Variants in CCDC171 observed in about 807,000 individuals in gnomAD.
CCDC171 encodes coiled-coil domain-containing protein 171.
A neutral mutation model predicts 168.2 loss-of-function variants in CCDC171; 177 were observed. The observed-to-expected ratio is 1.05, with a 90% CI of 0.93 to 1.19. CCDC171 has a LOEUF of 1.19. CCDC171 is among the 50% of genes most tolerant of loss of function. CCDC171 has a pLI of 0.00. For synonymous variants in CCDC171, 687 were observed against 540.8 expected (o/e 1.27, Z -3.75); for missense variants, 1,991 against 1,539.0 (o/e 1.29, Z -4.91).
At chr9:15,836,759 A>G (rs1247272245) in intron 21 of CCDC171, among the ~76,000 whole-genome samples, 1 of 152,210 alleles carries the variant, frequency 6.6e-6, no homozygotes, top group Non-Finnish European at 1.5e-5. Flanking sequence ...TAACTTGACC[A>G]TTCCTGATTT....
At chr9:15,804,671 T>G (rs1002588672) in intron 21 of CCDC171, among the ~76,000 whole-genome samples, 3 of 152,134 alleles carry the variant, frequency 2.0e-5, no homozygotes. Context: ...TTGATGTTCA[T>G]TAAGAATATT....
chr9:16,102,726 C>A, the CCDC171 span, among the ~76,000 whole-genome samples: 1 of 152,292 alleles, frequency 6.6e-6, no homozygotes, highest in South Asian at 2.1e-4. Context: ...CACTTTCCAA[C>A]AGCTCTTCGT....
intron 4 of CCDC171, chr9:15,588,700 CTT>C (rs71323963): frequency 3.4e-4 from 42 of 124,144 alleles, no homozygotes; most frequent in South Asian, 9.7e-4. Context: ...AAGATGCAGA[CTT>C]TTTTTTTTTT....
intron 3 of CCDC171, among the ~76,000 whole-genome samples, chr9:16,009,740 G>A (rs1314713904): frequency 6.6e-6 from 1 of 152,188 alleles, no homozygotes; most frequent in Non-Finnish European, 1.5e-5. Flanking sequence ...TTAAAATCTA[G>A]ATAAACTTCT....
At chr9:15,848,371 CTT>C (rs2060988527) in intron 22 of CCDC171, among the ~76,000 whole-genome samples, 2 of 151,784 alleles carry the variant, frequency 1.3e-5, no homozygotes, top group African/African-American at 4.8e-5. Context: ...AAACTAGTAA[CTT>C]TGCATATTCC....
In CCDC171 at chr9:15,622,022, A is replaced by G. The variant is rs141833002; in HGVS notation, c.676-1245A>G. ...GGAGGCCATTATCTTTAGCAAACTA[A>G]CACAGGAACAGAAAACCAAATACCA... On this transcript the variant is annotated intron_variant, in intron 6 of 25. Transcript: ENST00000380701. Among the ~76,000 whole-genome samples, 214 of 152,320 alleles carry G rather than the reference A, an allele frequency of 1.4e-3. 1 individual carries two copies. The highest frequency in any genetic ancestry group is 4.4e-3 in the African/African-American group (183 of 41,566).
chr9:15,778,514 C>T (rs547152338), intron 19 of CCDC171, among the ~76,000 whole-genome samples: 3 of 151,114 alleles, frequency 2.0e-5, no homozygotes, highest in South Asian at 4.2e-4. Context: ...TGGTGGGTGC[C>T]TCATGCCTCT....
intron 24 of CCDC171, chr9:15,875,542 A>G (rs1443491143): frequency 6.6e-6 from 1 of 151,982 alleles, no homozygotes; most frequent in Non-Finnish European, 1.5e-5. Flanking sequence ...TCCTTGTTCA[A>G]TAGCACTCTA....
At chr9:15,967,114 G>C (rs1182252823) in intron 25 of CCDC171, among the ~76,000 whole-genome samples, 4 of 152,128 alleles carry the variant, frequency 2.6e-5, no homozygotes, top group Non-Finnish European at 5.9e-5. Context: ...CTGGAAAATT[G>C]ACAGGTAGAA....
chr9:16,101,949 A>T, the CCDC171 span, among the ~76,000 whole-genome samples: 1 of 152,254 alleles, frequency 6.6e-6, no homozygotes, highest in African/African-American at 2.4e-5. Flanking sequence ...AGAACATGCC[A>T]GACTCCTGAA....
intron 21 of CCDC171, among the ~76,000 whole-genome samples, chr9:15,791,693 C>T (rs2058272474): frequency 6.6e-6 from 1 of 152,156 alleles, no homozygotes; most frequent in African/African-American, 2.4e-5. Context: ...GGGAACTCTG[C>T]TGCTGATACC....
chr9:15,564,597 C>T (rs1263077140), intron 2 of CCDC171, among the ~76,000 whole-genome samples: 2 of 152,222 alleles, frequency 1.3e-5, no homozygotes, highest in African/African-American at 2.4e-5. Flanking sequence ...CCCTTCAAGA[C>T]GTAACGCCTA....
chr9:15,612,780 T>C (rs1220551450), intron 6 of CCDC171, among the ~76,000 whole-genome samples: 1 of 152,234 alleles, frequency 6.6e-6, no homozygotes, highest in Non-Finnish European at 1.5e-5. Flanking sequence ...CCTGATACTT[T>C]GGTGGCTTTA....
At chr9:15,877,788 C>T (rs1479208714) in intron 24 of CCDC171, among the ~76,000 whole-genome samples, 1 of 152,012 alleles carries the variant, frequency 6.6e-6, no homozygotes, top group African/African-American at 2.4e-5. Context: ...AAAGATAATA[C>T]CTATTATTCA....
At chr9:15,564,313 A>G (rs768470833) in intron 2 of CCDC171, among the ~76,000 whole-genome samples, 184 bp downstream of exon 2, 1 of 152,226 alleles carries the variant, frequency 6.6e-6, no homozygotes, top group Non-Finnish European at 1.5e-5. Flanking sequence ...TAGAGACTTT[A>G]TGGGGATTTT....
chr9:15,640,159 A>G (rs1002242303), intron 7 of CCDC171, among the ~76,000 whole-genome samples: 3 of 152,190 alleles, frequency 2.0e-5, no homozygotes, highest in Non-Finnish European at 4.4e-5. Context: ...TTATGCAGTC[A>G]CATTTGTTTA....
At chr9:15,618,271 C>G (rs772708293) in intron 6 of CCDC171, among the ~76,000 whole-genome samples, 14 of 152,202 alleles carry the variant, frequency 9.2e-5, no homozygotes, top group Non-Finnish European at 1.9e-4. Context: ...CTTTGCTTTG[C>G]TGTGGTGACT....
intron 6 of CCDC171, among the ~76,000 whole-genome samples, chr9:15,607,267 A>G (rs915065172): frequency 1.3e-5 from 2 of 152,172 alleles, no homozygotes; most frequent in Admixed American, 1.3e-4. Flanking sequence ...AAATTGTTAT[A>G]TCATTGAAGA....
intron 24 of CCDC171, among the ~76,000 whole-genome samples, chr9:15,917,497 A>G (rs1472990195): frequency 1.3e-5 from 2 of 151,752 alleles, no homozygotes; most frequent in Admixed American, 6.6e-5. Flanking sequence ...GTTATAAAGA[A>G]GTAGTATGTG....
Sources: gnomAD v4.1 joint callset for allele counts (sites outside exome capture counted in the v4.1 genomes callset) on GRCh38, gnomAD v4.1.1 for gene constraint, MANE v1.5 for transcripts, NCBI Gene and HGNC (gene_info 2026-07-23, HGNC 2026-07-21) for gene names.